CYB5A: variants seen among roughly 807,000 people sequenced by gnomAD.
CYB5A encodes cytochrome b5 type A.
CYB5A carries 10 observed loss-of-function variants against 16.2 expected under a neutral mutation model. That is an observed-to-expected ratio of 0.62 (90% CI 0.38 to 1.04). The LOEUF (loss-of-function observed/expected upper bound fraction) is 1.04, where lower values mean the gene tolerates loss of function less well. Ranked by LOEUF, CYB5A falls within the 50% of genes least tolerant of loss-of-function variation. The pLI, the probability that CYB5A is intolerant of heterozygous loss-of-function variation, is 0.01. For missense variants in CYB5A, 161 were observed against 165.9 expected, an observed-to-expected ratio of 0.97 and a Z score of 0.16; for synonymous variants, 62 against 57.0, an observed-to-expected ratio of 1.09 and a Z score of -0.40.
chr18:74,291,518 G>A (rs1426655957), intron 1 of CYB5A, among the ~76,000 whole-genome samples: 3 of 148,296 alleles, frequency 2.0e-5, no homozygotes, highest in African/African-American at 7.5e-5. Flanking sequence ...GCTCCCAGGT[G>A]TGAGCGCGCA....
chr18:74,273,893 A>C (rs1294107342), intron 1 of CYB5A, among the ~76,000 whole-genome samples: 1 of 152,190 alleles, frequency 6.6e-6, no homozygotes, highest in Non-Finnish European at 1.5e-5. Context: ...GTCACACAAA[A>C]AAGAAGCTGA....
At chr18:74,260,725 C>T (rs1187910241) in intron 3 of CYB5A, 190 bp downstream of exon 3, 2 of 664,432 alleles carry the variant, frequency 3.0e-6, no homozygotes, top group South Asian at 1.5e-5. Flanking sequence ...ACACACACGC[C>T]ATCCTAACAA....
At chr18:74,265,361 AT>A (rs1982393070) in intron 1 of CYB5A, among the ~76,000 whole-genome samples, 1 of 152,212 alleles carries the variant, frequency 6.6e-6, no homozygotes, top group East Asian at 1.9e-4. Context: ...AGAAACTGTG[AT>A]GGTTATCCTA....
chr18:74,283,901 G>A (rs1983215010), intron 1 of CYB5A, among the ~76,000 whole-genome samples: 1 of 152,086 alleles, frequency 6.6e-6, no homozygotes, highest in Non-Finnish European at 1.5e-5. Flanking sequence ...TAAAAGGGAG[G>A]ACACAATCAC....
rs77477891 is a variant in CYB5A at position 74,261,022 on chromosome 18, C to A, written c.259-78G>T. Reference sequence around the variant, plus strand: ...CACTTCCAAAATGCTGACTTTGAGACTTTTTAAAATTATAATTCAGTAATT... The same window carrying A: ...CACTTCCAAAATGCTGACTTTGAGAATTTTTAAAATTATAATTCAGTAATT... On this transcript the variant is annotated intron_variant, in intron 2 of 4. Coordinates refer to ENST00000340533, the MANE Select transcript of CYB5A (RefSeq NM_148923.4). 91 of 1,110,572 alleles carry A rather than the reference C, an allele frequency of 8.2e-5. 1 individual carries two copies. The East Asian group carries it at 2.1e-3, about 25-fold the overall frequency. 68.8% of individuals were successfully genotyped at this position (1,110,572 alleles called of 1,614,324 possible). A position where few individuals can be genotyped will look rare whatever the true frequency, so the allele number is the denominator to read the frequency against.
chr18:74,259,131 CA>C (rs1451129643), intron 3 of CYB5A: 1 of 152,172 alleles, frequency 6.6e-6, no homozygotes, highest in Non-Finnish European at 1.5e-5. Context: ...GTGACAAGAG[CA>C]AAATTCCGTC....
At chr18:74,284,276 AAAG>A (rs1230069376) in intron 1 of CYB5A, among the ~76,000 whole-genome samples, 1 of 151,604 alleles carries the variant, frequency 6.6e-6, no homozygotes, top group African/African-American at 2.4e-5. Context: ...GCACAAACGC[AAAG>A]AAGGTTTTAT....
At position 74,291,804 on chromosome 18, in the gene CYB5A, C is replaced by T; in HGVS notation, c.72G>A (p.Lys24=). 1 of 1,613,926 alleles carries T rather than the reference C, an allele frequency of 6.2e-7. No individual in the cohort carries two copies. The highest frequency in any genetic ancestry group is 8.5e-7 in the Non-Finnish European group (1 of 1,179,852). ...LEEIQKHNHS[K]STWLILHHKV... is the part of the protein sequence containing the mutation. ...TGTGGTGCAGGATCAGCCAGGTGCT[C>T]TTGCTGTGGTTGTGCTTCTGAATCT... Residue 24 remains lysine, a synonymous_variant, in exon 1 of 5, where the codon AAG becomes AAA. Coordinates refer to ENST00000340533, the MANE Select transcript of CYB5A (RefSeq NM_148923.4).
At chr18:74,276,679 G>A (rs1982892942) in intron 1 of CYB5A, among the ~76,000 whole-genome samples, 1 of 152,142 alleles carries the variant, frequency 6.6e-6, no homozygotes, top group Non-Finnish European at 1.5e-5. Flanking sequence ...TGCCTTCGGA[G>A]GGTTTGCTTA....
intron 2 of CYB5A, chr18:74,261,253 A>G (rs1287841203): frequency 2.7e-6 from 1 of 368,644 alleles, no homozygotes; most frequent in African/African-American, 2.1e-5. Flanking sequence ...TTCAGGGAGG[A>G]GCTGAAGACT....
At chr18:74,254,644 C>A (rs188885852) in intron 4 of CYB5A, among the ~76,000 whole-genome samples, 1 of 151,768 alleles carries the variant, frequency 6.6e-6, no homozygotes, top group Admixed American at 6.6e-5. Context: ...CTCAGCCTCC[C>A]GAGTAGCTGG....
In CYB5A at chr18:74,253,137, G is replaced by T. The variant is rs1981828413; in HGVS notation, c.*447C>A. On this transcript the variant is annotated 3_prime_UTR_variant, in exon 5 of 5. Transcript: ENST00000340533. ...CATACAATACATGGTTACTCAATGA[G>T]ATGTGACGATGTGAAAGGAGACACT... The T allele has an allele frequency of 4.7e-6, 1 of 211,632 alleles. No individual in the cohort carries two copies. The highest frequency in any genetic ancestry group is 7.1e-5 in the South Asian group (1 of 14,160). 13.1% of individuals were successfully genotyped at this position (211,632 alleles called of 1,614,324 possible).
intron 1 of CYB5A, among the ~76,000 whole-genome samples, chr18:74,280,666 G>A (rs554438540): frequency 6.6e-6 from 1 of 152,186 alleles, no homozygotes; most frequent in African/African-American, 2.4e-5. Context: ...TTTCAGTCAA[G>A]GTTTATGTTT....
intron 1 of CYB5A, among the ~76,000 whole-genome samples, chr18:74,279,329 A>T (rs1413216978): frequency 6.6e-6 from 1 of 152,238 alleles, no homozygotes; most frequent in Non-Finnish European, 1.5e-5. Context: ...GGAGTTTGAG[A>T]TCAGCCTGGC....
At chr18:74,290,721 G>A (rs975549017) in intron 1 of CYB5A, among the ~76,000 whole-genome samples, 12 of 152,214 alleles carry the variant, frequency 7.9e-5, no homozygotes, top group African/African-American at 2.9e-4. Context: ...GCGTGAGCAT[G>A]CGTTAAGATT....
At chr18:74,289,737 T>C (rs890573763) in intron 1 of CYB5A, among the ~76,000 whole-genome samples, 44 of 147,204 alleles carry the variant, frequency 3.0e-4, no homozygotes, top group Non-Finnish European at 2.5e-4. Flanking sequence ...GATCACACCA[T>C]TGCACTCCAG....
chr18:74,260,016 A>T (rs1315543977), intron 3 of CYB5A: 1 of 152,174 alleles, frequency 6.6e-6, no homozygotes, highest in East Asian at 1.9e-4. Context: ...TGTTGAGGTA[A>T]ATGTGGCCTT....
At chr18:74,279,591 C>T (rs375671898) in intron 1 of CYB5A, among the ~76,000 whole-genome samples, 62 of 152,172 alleles carry the variant, frequency 4.1e-4, no homozygotes, top group African/African-American at 1.2e-3. Flanking sequence ...GAATAGCCTA[C>T]GCTCAGCCCA....
At chr18:74,281,084 G>A (rs1447131969) in intron 1 of CYB5A, among the ~76,000 whole-genome samples, 8 of 152,142 alleles carry the variant, frequency 5.3e-5, no homozygotes, top group Admixed American at 5.2e-4. Flanking sequence ...CTGACATTAT[G>A]AAAGTTAGGC....
Sources: gnomAD v4.1 joint callset for allele counts (sites outside exome capture counted in the v4.1 genomes callset) on GRCh38, gnomAD v4.1.1 for gene constraint, MANE v1.5 for transcripts, NCBI Gene and HGNC (gene_info 2026-07-23, HGNC 2026-07-21) for gene names.